Variants in FILIP1 observed in about 807,000 individuals in gnomAD.
FILIP1 encodes filamin A interacting protein 1.
Under a neutral mutation model 102.1 loss-of-function variants are expected in FILIP1, and 61 were observed. The ratio of observed to expected loss-of-function variants is 0.60; its 90% CI spans 0.49 to 0.74. The LOEUF is 0.74. Ranked by LOEUF, FILIP1 falls within the 30% of genes least tolerant of loss-of-function variation. The probability of loss-of-function intolerance (pLI) is 0.00; values close to 1 mark genes in which losing one functional copy is unlikely to be tolerated. For synonymous variants in FILIP1, 491 were observed against 526.9 expected (o/e 0.93, Z 0.93); for missense variants, 1,314 against 1,441.2 (o/e 0.91, Z 1.43).
chr6:75,490,124 G>A (rs1258196300), intron 1 of FILIP1, among the ~76,000 whole-genome samples: 1 of 152,050 alleles, frequency 6.6e-6, no homozygotes, highest in African/African-American at 2.4e-5. Flanking sequence ...TATTTAGACT[G>A]TGTAAACCCC....
intron 1 of FILIP1, among the ~76,000 whole-genome samples, chr6:75,463,967 A>T (rs1261384948): frequency 6.6e-6 from 1 of 152,194 alleles, no homozygotes; most frequent in Non-Finnish European, 1.5e-5. Flanking sequence ...GCTTTTAAAA[A>T]ATCCATATTT....
chr6:75,424,893 C>T (rs1443477977), intron 1 of FILIP1, among the ~76,000 whole-genome samples: 4 of 152,140 alleles, frequency 2.6e-5, no homozygotes, highest in African/African-American at 9.7e-5. Flanking sequence ...CGCCTGTACA[C>T]ACGTCAACTA....
chr6:75,340,089 A>C (rs1311445170), intron 4 of FILIP1, among the ~76,000 whole-genome samples: 1 of 152,122 alleles, frequency 6.6e-6, no homozygotes, highest in Non-Finnish European at 1.5e-5. Flanking sequence ...CCTCTCCCAA[A>C]GGATGCTTCT....
At chr6:75,485,986 C>CAT (rs1779775651) in intron 1 of FILIP1, among the ~76,000 whole-genome samples, 1 of 139,290 alleles carries the variant, frequency 7.2e-6, no homozygotes, top group African/African-American at 3.0e-5. Context: ...CACACACACA[C>CAT]ACACACACAC....
At chr6:75,445,799 T>C (rs960413466) in intron 1 of FILIP1, among the ~76,000 whole-genome samples, 51 of 151,494 alleles carry the variant, frequency 3.4e-4, no homozygotes, top group African/African-American at 1.2e-3. Flanking sequence ...ATATATATTT[T>C]TGCACCTCTT....
intron 2 of FILIP1, among the ~76,000 whole-genome samples, chr6:75,396,260 C>A: frequency 6.6e-6 from 1 of 151,190 alleles, no homozygotes; most frequent in East Asian, 2.0e-4. Context: ...AAAGCCCAAG[C>A]AGAAGACAGA....
Position 75,315,111 on chromosome 6 carries a change from C to G in FILIP1, c.721G>C (p.Val241Leu). Reference sequence around the variant, plus strand: ...ATGAGTGCAAAGGATTTGAGTTTAACAAGCTCATCTCTTAGTTTATTGAGT... The same window carrying G: ...ATGAGTGCAAAGGATTTGAGTTTAAGAAGCTCATCTCTTAGTTTATTGAGT... ...KRLNKLRDEL[V>L]KLKSFALMLV... is the part of the protein sequence containing the mutation. The change falls in exon 5 of 6, where the codon GTT becomes CTT. Residue 241 changes from valine (V) to leucine (L), a missense_variant. This residue lies in a region of FILIP1 where 494 missense variants were observed against 511.2 expected (regional missense o/e 0.97). Transcript: ENST00000237172. 2.5e-6 allele frequency: 4 copies of G among 1,612,886 alleles called. No homozygotes were observed. The highest frequency in any genetic ancestry group is 3.4e-6 in the Non-Finnish European group (4 of 1,179,686).
chr6:75,479,827 C>T (rs1449719520), intron 1 of FILIP1, among the ~76,000 whole-genome samples: 1 of 139,274 alleles, frequency 7.2e-6, no homozygotes, highest in Non-Finnish European at 1.5e-5. Context: ...CAAGATCGTA[C>T]CGCTACACTC....
At chr6:75,315,259 A>C in intron 4 of FILIP1, 57 bp from the exon 5 acceptor site, 1 of 1,162,120 alleles carries the variant, frequency 8.6e-7, no homozygotes, top group South Asian at 2.0e-5. Context: ...AGATTTAAGC[A>C]TTGATATTAA....
intron 1 of FILIP1, among the ~76,000 whole-genome samples, chr6:75,481,110 G>A (rs1323660995): frequency 6.6e-6 from 1 of 152,020 alleles, no homozygotes; most frequent in Non-Finnish European, 1.5e-5. Flanking sequence ...ACTGTCTCTG[G>A]ACCAATCACT....
At chr6:75,462,704 T>C (rs763741564) in intron 1 of FILIP1, among the ~76,000 whole-genome samples, 1 of 152,114 alleles carries the variant, frequency 6.6e-6, no homozygotes, top group Non-Finnish European at 1.5e-5. Context: ...TAGAAAATTA[T>C]CTCTCAAACT....
intron 1 of FILIP1, among the ~76,000 whole-genome samples, chr6:75,418,780 A>G (rs2149693016): frequency 6.6e-6 from 1 of 152,346 alleles, no homozygotes; most frequent in South Asian, 2.1e-4. Context: ...ACCCTTTTTA[A>G]AAAATCAGTG....
chr6:75,450,824 G>T (rs556414268), intron 1 of FILIP1, among the ~76,000 whole-genome samples: 2 of 152,104 alleles, frequency 1.3e-5, no homozygotes, highest in African/African-American at 4.8e-5. Flanking sequence ...GCATGGTGGT[G>T]CATGCCAGTA....
intron 4 of FILIP1, among the ~76,000 whole-genome samples, chr6:75,326,053 TAGAC>T (rs1396838146): frequency 6.6e-6 from 1 of 150,662 alleles, no homozygotes. Flanking sequence ...ATATAGATAA[TAGAC>T]AGATGATAGA....
At chr6:75,457,596 A>G (rs1309275754) in intron 1 of FILIP1, among the ~76,000 whole-genome samples, 1 of 145,612 alleles carries the variant, frequency 6.9e-6, no homozygotes, top group Non-Finnish European at 1.5e-5. Context: ...AAAAATACCT[A>G]ATTATTTCAA....
At chr6:75,445,368 A>T (rs1778410126) in intron 1 of FILIP1, among the ~76,000 whole-genome samples, 1 of 151,752 alleles carries the variant, frequency 6.6e-6, no homozygotes, top group South Asian at 2.1e-4. Context: ...TGTCCTACTG[A>T]TCTCTCTTCC....
Position 75,310,385 on chromosome 6 carries a change from A to G in FILIP1, c.3436-1488T>C, listed in dbSNP as rs138131999. 5.0e-4 allele frequency among the ~76,000 whole-genome samples: 76 copies of G among 152,388 alleles called. 1 individual carries two copies. Among genetic ancestry groups the G allele is most frequent in the African/African-American group, 1.6e-3 (68 of 41,590 alleles). ...GTCCTGGCTTCCCAGCACCTAGCCC[A>G]TGCCTAAAGTGTAGCTGACACTCAA... On this transcript the variant is annotated intron_variant, in intron 5 of 5. Coordinates refer to ENST00000237172, the MANE Select transcript of FILIP1 (RefSeq NM_015687.5).
intron 4 of FILIP1, among the ~76,000 whole-genome samples, chr6:75,328,795 T>C (rs1270337492): frequency 6.6e-6 from 1 of 151,726 alleles, no homozygotes; most frequent in Admixed American, 6.6e-5. Flanking sequence ...GCTAATAATG[T>C]TTTTTTAAAA....
chr6:75,366,634 T>G (rs1399006703), intron 2 of FILIP1, among the ~76,000 whole-genome samples: 1 of 152,326 alleles, frequency 6.6e-6, no homozygotes, highest in Middle Eastern at 3.4e-3. Context: ...AACATAAAAC[T>G]TGGCATTAAA....
Sources: gnomAD v4.1 joint callset for allele counts (sites outside exome capture counted in the v4.1 genomes callset) on GRCh38, gnomAD v4.1.1 for gene constraint, gnomAD v4.1.1 regional missense constraint, MANE v1.5 for transcripts, NCBI Gene and HGNC (gene_info 2026-07-23, HGNC 2026-07-21) for gene names.